CLEC4G: variants seen among roughly 807,000 people sequenced by gnomAD.
CLEC4G encodes C-type lectin domain family 4 member G.
A neutral mutation model predicts 37.0 loss-of-function variants in CLEC4G; 34 were observed. That is an observed-to-expected ratio of 0.92 (90% CI 0.70 to 1.22). The LOEUF is 1.22. Among genes scored for constraint, CLEC4G ranks in the 50% most tolerant of loss-of-function variants. The probability of loss-of-function intolerance (pLI) is 0.00; values close to 1 mark genes in which losing one functional copy is unlikely to be tolerated. For synonymous variants in CLEC4G, 167 were observed against 165.6 expected, an observed-to-expected ratio of 1.01 and a Z score of -0.06; for missense variants, 390 against 392.9, an observed-to-expected ratio of 0.99 and a Z score of 0.06.
chr19:7,730,093 T>C lies in CLEC4G; in HGVS notation c.553A>G (p.Thr185Ala). ...CAGTGATCCTGCGCCGCCGCCCACGTCGTCTTTGGCACAGAGAAAAAGTAG... is the reference window on the plus strand; with the variant it reads ...CAGTGATCCTGCGCCGCCGCCCACGCCGTCTTTGGCACAGAGAAAAAGTAG... ...SCYFFSVPKT[T>A]WAAAQDHCAD... The change falls in exon 7 of 9, where the codon ACG (threonine) becomes GCG (alanine). Residue 185 changes from threonine (T) to alanine (A), a missense_variant. Thr to Ala is a moderately conservative substitution (Grantham distance 58). Transcript: ENST00000328853. The surrounding 1 kb of genome is among the most constrained non-coding windows in gnomAD (Gnocchi z 7.3). The C allele has an allele frequency of 6.2e-7, 1 of 1,610,468 alleles. No homozygotes were observed. Among genetic ancestry groups the C allele is most frequent in the Non-Finnish European group, 8.5e-7 (1 of 1,179,044 alleles).
In CLEC4G at chr19:7,731,277, A is replaced by C; in HGVS notation, c.209T>G (p.Leu70Arg). ...GGCTCTGCACACACCGTTTGTCCTC[A>C]GCAGGTCGTGGCCGTCAAGCAGCGC... ...RAALLDGHDL[L>R]RTNASKQTAA... Residue 70 changes from leucine (L) to arginine (R), a missense_variant, in exon 3 of 9, where the codon CTG becomes CGG. Coordinates refer to ENST00000328853, the MANE Select transcript of CLEC4G (RefSeq NM_198492.4). 1 of 1,592,372 alleles carries C rather than the reference A, an allele frequency of 6.3e-7. No homozygotes were observed. The highest frequency in any genetic ancestry group is 1.1e-5 in the South Asian group (1 of 88,508).
In CLEC4G at chr19:7,729,481, T is replaced by C. The variant is rs368441728; in HGVS notation, c.767A>G (p.Asn256Ser). The change falls in exon 9 of 9, where the codon AAT becomes AGT. Residue 256 changes from asparagine to serine, a missense_variant. By Grantham distance (46) the Asn-to-Ser change is conservative (BLOSUM62 1). Transcript: ENST00000328853. ...ACAGTTCTCGCGCCCCCAAGCGTCA[T>C]TGGGCTCTCCCTGGTTCCAGTGGCT... ...SFSHWNQGEPNDAWGRENCVM... is the reference protein window; with the variant it reads ...SFSHWNQGEPSDAWGRENCVM... The C allele has an allele frequency of 1.9e-4, 300 of 1,606,944 alleles. No individual in the cohort carries two copies. Among genetic ancestry groups the C allele is most frequent in the Middle Eastern group, 3.3e-4 (2 of 6,046 alleles).
Position 7,730,278 on chromosome 19 carries a change from C to T in CLEC4G, c.478+73G>A. On this transcript the variant is annotated intron_variant, in intron 6 of 8. Coordinates refer to ENST00000328853, the MANE Select transcript of CLEC4G (RefSeq NM_198492.4). The surrounding 1 kb of genome is among the most constrained non-coding windows in gnomAD (Gnocchi z 7.3). ...GGGCTCAGGGGTGGAGACACAGAAC[C>T]AGGCCAAGGTCCAGGAGTGACAGGG... The T allele has an allele frequency of 6.4e-7, 1 of 1,573,174 alleles. No individual in the cohort carries two copies.
At chr19:7,731,479 T>G in intron 2 of CLEC4G, 160 bp from the exon 3 acceptor site, 1 of 1,469,694 alleles carries the variant, frequency 6.8e-7, no homozygotes, top group Non-Finnish European at 9.1e-7. Context: ...GCGCGGGGAC[T>G]CGCGCACATA....
At position 7,729,253 on chromosome 19, in the gene CLEC4G, G is replaced by C; in HGVS notation, c.*113C>G. 1 of 769,246 alleles carries C rather than the reference G, an allele frequency of 1.3e-6. No homozygotes were observed. The highest frequency in any genetic ancestry group is 1.4e-5 in the South Asian group (1 of 71,696). The allele number at this position is 769,246 out of a possible 1,614,324, so 47.7% of individuals were successfully genotyped here. ...CCAAGTGTTTCTGAGACTCAGCAGCGGTGGATGAGGAAGAAAAAACTCTTT... is the reference window on the plus strand; with the variant it reads ...CCAAGTGTTTCTGAGACTCAGCAGCCGTGGATGAGGAAGAAAAAACTCTTT... On this transcript the variant is annotated 3_prime_UTR_variant, in exon 9 of 9. Coordinates refer to ENST00000328853, the MANE Select transcript of CLEC4G (RefSeq NM_198492.4).
chr19:7,730,923 C>CCCA lies in CLEC4G; in HGVS notation c.284-65_284-64insTGG. ...ATGGGGCGGGACTTCGGAGACCAGC[C>CCCA]CCCGCCCCGCACCACCCGCCGCAGG... On this transcript the variant is annotated intron_variant, in intron 4 of 8. Transcript: ENST00000328853. This position sits in a 1 kb window ranked among gnomAD's most constrained non-coding sequence, Gnocchi z 7.3. 1 of 1,493,264 alleles carries CCCA rather than the reference C, an allele frequency of 6.7e-7. No homozygotes were observed. The highest frequency in any genetic ancestry group is 8.9e-7 in the Non-Finnish European group (1 of 1,127,004). The allele number at this position is 1,493,264 out of a possible 1,614,324, so 92.5% of individuals were successfully genotyped here.
chr19:7,731,864 T>C, intron 1 of CLEC4G, 93 bp from the exon 2 acceptor site: 1 of 1,536,226 alleles, frequency 6.5e-7, no homozygotes, highest in Non-Finnish European at 8.8e-7. Flanking sequence ...AGAAGTTAAG[T>C]AACTTGCCTA....
Position 7,730,359 on chromosome 19 carries a change from A to G in CLEC4G, c.470T>C (p.Leu157Pro). Residue 157 changes from leucine to proline, a missense_variant, in exon 6 of 9, where the codon CTC becomes CCC. Transcript: ENST00000328853. This position sits in a 1 kb window ranked among gnomAD's most constrained non-coding sequence, Gnocchi z 7.3. ...ELFRALEAVR[L>P]QNNSCEPCPT... is the part of the protein sequence containing the mutation. Reference sequence around the variant, plus strand: ...CCCCCCGTCTCGCTCACTGTTCTGGAGCCTCACGGCCTCCAGCGCCCGGAA... The same window carrying G: ...CCCCCCGTCTCGCTCACTGTTCTGGGGCCTCACGGCCTCCAGCGCCCGGAA... 3.7e-6 allele frequency: 6 copies of G among 1,602,854 alleles called. No individual in the cohort carries two copies. Among genetic ancestry groups the G allele is most frequent in the Non-Finnish European group, 4.2e-6 (5 of 1,179,462 alleles).
In CLEC4G at chr19:7,730,926, CG is replaced by C. The variant is rs1446505615; in HGVS notation, c.284-68del. 6,582 of 1,465,584 alleles carry C rather than the reference CG, an allele frequency of 4.5e-3. 23 individuals carry two copies. The highest frequency in any genetic ancestry group is 9.9e-3 in the Middle Eastern group (40 of 4,048). 90.8% of individuals were successfully genotyped at this position (1,465,584 alleles called of 1,614,324 possible). A position where few individuals can be genotyped will look rare whatever the true frequency, so the allele number is the denominator to read the frequency against. On this transcript the variant is annotated intron_variant, in intron 4 of 8. Transcript: ENST00000328853. This position sits in a 1 kb window ranked among gnomAD's most constrained non-coding sequence, Gnocchi z 7.3. The stretch of plus-strand genomic sequence containing the variant: ...GGGCGGGACTTCGGAGACCAGCCCC[CG>C]CCCCGCACCACCCGCCGCAGGCCTC...
chr19:7,730,329 C>T lies in CLEC4G; in HGVS notation c.478+22G>A. ...TCCGCTTACGCCCTCACAGCCCGCCCCCGACCCCCCGTCTCGCTCACTGTT... is the reference window on the plus strand; with the variant it reads ...TCCGCTTACGCCCTCACAGCCCGCCTCCGACCCCCCGTCTCGCTCACTGTT... On this transcript the variant is annotated intron_variant, in intron 6 of 8. Coordinates refer to ENST00000328853, the MANE Select transcript of CLEC4G (RefSeq NM_198492.4). This position sits in a 1 kb window ranked among gnomAD's most constrained non-coding sequence, Gnocchi z 7.3. The T allele has an allele frequency of 6.5e-7, 1 of 1,530,992 alleles. No homozygotes were observed. 94.8% of individuals were successfully genotyped at this position (1,530,992 alleles called of 1,614,324 possible). A position where few individuals can be genotyped will look rare whatever the true frequency, so the allele number is the denominator to read the frequency against.
At position 7,730,181 on chromosome 19, in the gene CLEC4G, A is replaced by C; in HGVS notation, c.479-14T>G. 6.2e-7 allele frequency: 1 copy of C among 1,609,656 alleles called. No individual in the cohort carries two copies. Among genetic ancestry groups the C allele is most frequent in the Non-Finnish European group, 8.5e-7 (1 of 1,178,582 alleles). On this transcript the variant is annotated splice_polypyrimidine_tract_variant and intron_variant, in intron 6 of 8. Transcript: ENST00000328853. This position sits in a 1 kb window ranked among gnomAD's most constrained non-coding sequence, Gnocchi z 7.3. ...GCTCGCAGGAGTCTGCGGGGTGGCG[A>C]GGGTCAGAGAGGTCGCGTGCTTCCA...
chr19:7,731,324 GGA>G lies in CLEC4G; in HGVS notation c.167-7_167-6del. The G allele has an allele frequency of 6.4e-7, 1 of 1,570,140 alleles. No homozygotes were observed. The highest frequency in any genetic ancestry group is 8.6e-7 in the Non-Finnish European group (1 of 1,163,112). Reference sequence around the variant, plus strand: ...GCGCCGCGCGCTCCGTGGAGGCTGAGGAGAGAGGCTCCTGCAGGCGAGGCCGG... The same window carrying G: ...GCGCCGCGCGCTCCGTGGAGGCTGAGGAGAGGCTCCTGCAGGCGAGGCCGG... On this transcript the variant is annotated splice_polypyrimidine_tract_variant and splice_region_variant and intron_variant, in intron 2 of 8. Transcript: ENST00000328853.
Position 7,731,653 on chromosome 19 carries a change from T to G in CLEC4G, c.166+8A>C. ...GGATGCAACACCTCCCCATTGAGAG[T>G]CACTCACCCTTGGACAATAGGATAC... On this transcript the variant is annotated splice_region_variant and intron_variant, in intron 2 of 8. Coordinates refer to ENST00000328853, the MANE Select transcript of CLEC4G (RefSeq NM_198492.4). The G allele has an allele frequency of 6.2e-7, 1 of 1,612,704 alleles. No homozygotes were observed. The highest frequency in any genetic ancestry group is 8.5e-7 in the Non-Finnish European group (1 of 1,179,448).
Position 7,730,511 on chromosome 19 carries a change from T to C in CLEC4G, c.389-71A>G. The C allele has an allele frequency of 6.4e-7, 1 of 1,563,166 alleles. No individual in the cohort carries two copies. Among genetic ancestry groups the C allele is most frequent in the Non-Finnish European group, 8.6e-7 (1 of 1,161,950 alleles). ...GACCAGGGTCATGACTAGCTAAAGG[T>C]CAGGACCCCTGTCTGTGGTCATTGT... On this transcript the variant is annotated intron_variant, in intron 5 of 8. Coordinates refer to ENST00000328853, the MANE Select transcript of CLEC4G (RefSeq NM_198492.4). This position sits in a 1 kb window ranked among gnomAD's most constrained non-coding sequence, Gnocchi z 7.3.
chr19:7,729,735 A>AG, intron 8 of CLEC4G, 86 bp downstream of exon 8: 1 of 1,565,174 alleles, frequency 6.4e-7, no homozygotes, highest in Non-Finnish European at 8.6e-7. Context: ...GCCCCAGCCG[A>AG]GGGGTCCCTG....
chr19:7,730,879 A>G lies in CLEC4G; in HGVS notation c.284-20T>C. The G allele has an allele frequency of 6.5e-7, 1 of 1,526,868 alleles. No individual in the cohort carries two copies. Among genetic ancestry groups the G allele is most frequent in the Non-Finnish European group, 8.7e-7 (1 of 1,143,504 alleles). The allele number at this position is 1,526,868 out of a possible 1,614,324, so 94.6% of individuals were successfully genotyped here. The stretch of plus-strand genomic sequence containing the variant: ...CCGAGCCTGGGAGCCGCAGGGTGAG[A>G]GGGGCGAGGGCGGCGAGGATGGGGC... On this transcript the variant is annotated intron_variant, in intron 4 of 8. Coordinates refer to ENST00000328853, the MANE Select transcript of CLEC4G (RefSeq NM_198492.4). The surrounding 1 kb of genome is among the most constrained non-coding windows in gnomAD (Gnocchi z 7.3).
Position 7,730,825 on chromosome 19 carries a change from G to A in CLEC4G, c.318C>T (p.Arg106=), listed in dbSNP as rs2033417988. The change falls in exon 5 of 9, where the codon CGC becomes CGT. Residue 106 remains arginine (R), a synonymous_variant. Coordinates refer to ENST00000328853, the MANE Select transcript of CLEC4G (RefSeq NM_198492.4). The surrounding 1 kb of genome is among the most constrained non-coding windows in gnomAD (Gnocchi z 7.3). ...SGTQAQLQTT[R]AELGEAQAKL... ...TCGCCTGCGCCTCCCCAAGCTCCGC[G>A]CGCGTGGTCTGCAGCTGCGCCTGCG... is the stretch of plus-strand genomic sequence containing the variant. 1.3e-6 allele frequency: 2 copies of A among 1,532,314 alleles called. No individual in the cohort carries two copies. The highest frequency in any genetic ancestry group is 1.7e-6 in the Non-Finnish European group (2 of 1,145,862). The allele number at this position is 1,532,314 out of a possible 1,614,324, so 94.9% of individuals were successfully genotyped here. A position where few individuals can be genotyped will look rare whatever the true frequency, so the allele number is the denominator to read the frequency against.
chr19:7,729,582 C>T (rs1465630039), intron 8 of CLEC4G, 78 bp from the exon 9 acceptor site: 7 of 1,273,244 alleles, frequency 5.5e-6, no homozygotes, highest in South Asian at 1.4e-5. Flanking sequence ...CCTCTTCAGG[C>T]TCTAGCCTGT....
Position 7,730,216 on chromosome 19 carries a change from C to T in CLEC4G, c.479-49G>A, listed in dbSNP as rs969470009. The T allele has an allele frequency of 5.6e-6, 9 of 1,597,912 alleles. No individual in the cohort carries two copies. The highest frequency in any genetic ancestry group is 7.7e-6 in the Non-Finnish European group (9 of 1,173,420). ...AGGTCGCGTGCTTCCAGGGGCAACG[C>T]ACCGAGAGGATGCAGTGGGTAGGGG... On this transcript the variant is annotated intron_variant, in intron 6 of 8. Coordinates refer to ENST00000328853, the MANE Select transcript of CLEC4G (RefSeq NM_198492.4). This position sits in a 1 kb window ranked among gnomAD's most constrained non-coding sequence, Gnocchi z 7.3.
Sources: allele counts gnomAD v4.1 joint callset, GRCh38; gene constraint gnomAD v4.1.1; non-coding constraint Gnocchi (gnomAD v3.1); transcripts MANE v1.5; gene names NCBI Gene and HGNC (gene_info 2026-07-23, HGNC 2026-07-21).